GSTCD: variants seen among roughly 807,000 people sequenced by gnomAD.
The protein encoded by GSTCD is glutathione S-transferase C-terminal domain-containing protein.
A neutral mutation model predicts 68.3 loss-of-function variants in GSTCD; 44 were observed. The ratio of observed to expected loss-of-function variants is 0.64; its 90% CI spans 0.51 to 0.83. GSTCD has a LOEUF of 0.83. GSTCD is among the 40% of genes least tolerant of loss of function. GSTCD has a pLI of 0.00. For synonymous variants in GSTCD, 273 were observed against 255.2 expected (o/e 1.07, Z -0.67); for missense variants, 739 against 735.9 (o/e 1.00, Z -0.05).
chr4:105,810,834 A>G (rs1347234673), intron 5 of GSTCD, among the ~76,000 whole-genome samples: 1 of 152,164 alleles, frequency 6.6e-6, no homozygotes, highest in Admixed American at 6.6e-5. Context: ...CAAGTAGCAT[A>G]TAACTGAGTT....
intron 5 of GSTCD, among the ~76,000 whole-genome samples, chr4:105,819,344 AT>A (rs1252262066): frequency 6.6e-6 from 1 of 151,830 alleles, no homozygotes; most frequent in African/African-American, 2.4e-5. Context: ...TCTAAAGGCC[AT>A]TCTAATGTCT....
intron 5 of GSTCD, among the ~76,000 whole-genome samples, chr4:105,775,512 A>G (rs1735021607): frequency 6.6e-6 from 1 of 151,896 alleles, no homozygotes; most frequent in African/African-American, 2.4e-5. Context: ...CATGTTGGTG[A>G]TCTTTGGATG....
At chr4:105,711,342 G>A (rs948280884) in intron 1 of GSTCD, among the ~76,000 whole-genome samples, 1 of 152,080 alleles carries the variant, frequency 6.6e-6, no homozygotes, top group Non-Finnish European at 1.5e-5. Context: ...ATGGATTAAG[G>A]GTTTCACGTT....
chr4:105,719,247 C>T lies in GSTCD; in HGVS notation c.614C>T (p.Ala205Val), dbSNP rs2149205474. ...LRRQKLKQQK[A>V]DGVGPPLTKG... is the part of the protein sequence containing the mutation. Reference sequence around the variant, plus strand: ...AGGCAGAAGCTCAAGCAACAGAAGGCTGATGGAGTTGGGCCTCCCCTTACT... The same window carrying T: ...AGGCAGAAGCTCAAGCAACAGAAGGTTGATGGAGTTGGGCCTCCCCTTACT... The change falls in exon 3 of 12, where the codon GCT becomes GTT. Residue 205 changes from alanine (A) to valine (V), a missense_variant. By Grantham distance (64) the Ala-to-Val change is moderately conservative (BLOSUM62 0). Transcript: ENST00000515279. 6.2e-7 allele frequency: 1 copy of T among 1,614,082 alleles called. No homozygotes were observed. The highest frequency in any genetic ancestry group is 1.1e-5 in the South Asian group (1 of 91,088).
At chr4:105,744,353 T>C (rs1578429252) in intron 5 of GSTCD, among the ~76,000 whole-genome samples, 1 of 152,254 alleles carries the variant, frequency 6.6e-6, no homozygotes, top group Non-Finnish European at 1.5e-5. Context: ...TTTCAGACTG[T>C]GTAATACCTT....
intron 5 of GSTCD, 62 bp from the exon 6 acceptor site, chr4:105,822,892 G>T (rs752423385): frequency 8.3e-7 from 1 of 1,199,892 alleles, no homozygotes; most frequent in East Asian, 2.3e-5. Flanking sequence ...TATTTTAAGC[G>T]TGTCTTCTTG....
intron 5 of GSTCD, among the ~76,000 whole-genome samples, chr4:105,805,671 T>G (rs142937655): frequency 1.3e-4 from 20 of 152,214 alleles, no homozygotes; most frequent in Admixed American, 5.9e-4. Context: ...CAATGTACCC[T>G]TTTCAGTGCT....
intron 5 of GSTCD, among the ~76,000 whole-genome samples, chr4:105,800,982 T>C (rs1307978208): frequency 6.6e-6 from 1 of 152,164 alleles, no homozygotes; most frequent in Non-Finnish European, 1.5e-5. Flanking sequence ...AAATTTTCTC[T>C]ATAAGGCACA....
chr4:105,753,308 C>T (rs1734068151), intron 5 of GSTCD: 1 of 151,860 alleles, frequency 6.6e-6, no homozygotes, highest in African/African-American at 2.4e-5. Flanking sequence ...TTCTCTGAAA[C>T]AAAGATAGTT....
At chr4:105,786,237 T>C (rs930414604) in intron 5 of GSTCD, among the ~76,000 whole-genome samples, 2 of 152,166 alleles carry the variant, frequency 1.3e-5, no homozygotes, top group African/African-American at 4.8e-5. Context: ...AGGCCGGGCA[T>C]GGTGGCTCAT....
Position 105,798,646 on chromosome 4 carries a change from TC to T in GSTCD, c.1241-24307del, listed in dbSNP as rs544607699. Among the ~76,000 whole-genome samples the T allele has an allele frequency of 2.2e-4, 33 of 152,234 alleles. 1 individual carries two copies. In the East Asian group the frequency reaches 6.4e-3, roughly 29 times the overall value. On this transcript the variant is annotated intron_variant, in intron 5 of 11. Coordinates refer to ENST00000515279, the MANE Select transcript of GSTCD (RefSeq NM_001370181.1). ...AGTGACCAAATGCATTGTCAATGAG[TC>T]ATGATATTTTAAAGGGAATCTTTTT...
intron 5 of GSTCD, among the ~76,000 whole-genome samples, chr4:105,769,233 GCACACACACACACACACACACA>G (rs57039503): frequency 4.8e-5 from 7 of 146,336 alleles, no homozygotes; most frequent in South Asian, 4.4e-4. Context: ...ATACACGCGC[GCACACACACACACACACACACA>G]CACACACACA....
intron 1 of GSTCD, among the ~76,000 whole-genome samples, chr4:105,711,279 A>G (rs10516524): frequency 0.066 from 10,055 of 152,312 alleles, 344 homozygotes; most frequent in Middle Eastern, 0.11. Flanking sequence ...GTGATTTTTC[A>G]TACTTATAAA....
In GSTCD at chr4:105,834,580, C is replaced by A. The variant is rs763673144; in HGVS notation, c.1650C>A (p.Phe550Leu). The A allele has an allele frequency of 1.2e-6, 2 of 1,613,458 alleles. No individual in the cohort carries two copies. The highest frequency in any genetic ancestry group is 2.7e-5 in the African/African-American group (2 of 74,890). The change falls in exon 9 of 12, where the codon TTC becomes TTA. Residue 550 changes from phenylalanine (F) to leucine (L), a missense_variant. Phe to Leu is a conservative substitution (Grantham distance 22, BLOSUM62 0). Coordinates refer to ENST00000515279, the MANE Select transcript of GSTCD (RefSeq NM_001370181.1). ...GTTTCATTCAGAACACCTCAAAGTT[C>A]AATTTTCCAAAAAGGTGAGAAATTC... The part of the protein sequence containing the change: ...CYGFIQNTSK[F>L]NFPKSEQFKK...
chr4:105,760,996 A>ATTTTTTTTTT (rs35581423), intron 5 of GSTCD: 40 of 174,950 alleles, frequency 2.3e-4, no homozygotes, highest in African/African-American at 4.2e-4. Context: ...TCCTTTTTTA[A>ATTTTTTTTTT]TTTTTTTTTT....
intron 5 of GSTCD, among the ~76,000 whole-genome samples, chr4:105,798,469 A>G (rs572244372): frequency 6.6e-6 from 1 of 152,208 alleles, no homozygotes; most frequent in African/African-American, 2.4e-5. Flanking sequence ...TGTTACTACC[A>G]ATAGCAGCTA....
intron 5 of GSTCD, among the ~76,000 whole-genome samples, chr4:105,755,061 A>C (rs1289256135): frequency 1.5e-3 from 1 of 684 alleles, no homozygotes; most frequent in Non-Finnish European, 6.3e-3. Flanking sequence ...TTCTCCAAAA[A>C]AAAAAAAAAA....
At chr4:105,741,563 T>G (rs576112077) in intron 5 of GSTCD, among the ~76,000 whole-genome samples, 2 of 152,332 alleles carry the variant, frequency 1.3e-5, no homozygotes, top group African/African-American at 4.8e-5. Flanking sequence ...ATGTTTTGCT[T>G]TATCCATAAT....
intron 4 of GSTCD, among the ~76,000 whole-genome samples, chr4:105,727,777 C>T (rs1281250439): frequency 2.0e-5 from 3 of 151,536 alleles, no homozygotes; most frequent in Non-Finnish European, 2.9e-5. Flanking sequence ...AAGTTTTCAA[C>T]AATGGGCTTT....
Sources: gnomAD v4.1 joint callset for allele counts (sites outside exome capture counted in the v4.1 genomes callset) on GRCh38, gnomAD v4.1.1 for gene constraint, MANE v1.5 for transcripts, NCBI Gene and HGNC (gene_info 2026-07-23, HGNC 2026-07-21) for gene names.